Variants in RPH3A observed in about 807,000 individuals in gnomAD.
The protein encoded by RPH3A is rabphilin-3A.
A neutral mutation model predicts 102.2 loss-of-function variants in RPH3A; 48 were observed. That is an observed-to-expected ratio of 0.47 (90% CI 0.37 to 0.60). The LOEUF is 0.60. RPH3A is among the 20% of genes least tolerant of loss of function. The pLI is 0.00. For synonymous variants in RPH3A, 310 were observed against 324.3 expected (o/e 0.96, Z 0.47); for missense variants, 781 against 910.1 (o/e 0.86, Z 1.83).
chr12:112,624,407 A>G (rs1336660014), intron 1 of RPH3A, among the ~76,000 whole-genome samples: 58 of 144,238 alleles, frequency 4.0e-4, no homozygotes, highest in East Asian at 1.1e-3. Context: ...ACAAACTACC[A>G]TCAGAGAATA....
chr12:112,674,857 A>G (rs1274832388), intron 1 of RPH3A, among the ~76,000 whole-genome samples: 2 of 149,772 alleles, frequency 1.3e-5, no homozygotes, highest in African/African-American at 2.5e-5. Context: ...TATTTGGGGG[A>G]AAAAAATCCA....
At chr12:112,765,982 C>T (rs1296779494) in intron 1 of RPH3A, among the ~76,000 whole-genome samples, 2 of 152,248 alleles carry the variant, frequency 1.3e-5, no homozygotes, top group Non-Finnish European at 2.9e-5. Flanking sequence ...TCCCCATACA[C>T]ATGCTCTCAG....
intron 5 of RPH3A, among the ~76,000 whole-genome samples, chr12:112,855,532 C>T (rs996419299): frequency 6.6e-6 from 1 of 152,192 alleles, no homozygotes; most frequent in African/African-American, 2.4e-5. Flanking sequence ...TCCCATTCAC[C>T]AGTCCCTCAA....
chr12:112,853,074 A>G (rs1259677930), intron 5 of RPH3A, among the ~76,000 whole-genome samples: 1 of 152,178 alleles, frequency 6.6e-6, no homozygotes, highest in East Asian at 1.9e-4. Context: ...TCACACCCCT[A>G]TCACCTTCCC....
chr12:112,827,373 C>T (rs370437529), intron 2 of RPH3A, among the ~76,000 whole-genome samples: 6 of 152,292 alleles, frequency 3.9e-5, no homozygotes, highest in African/African-American at 1.4e-4. Context: ...TATGTCATAG[C>T]GTATGTCAAT....
intron 1 of RPH3A, among the ~76,000 whole-genome samples, chr12:112,653,464 A>C (rs1343829867): frequency 6.6e-6 from 1 of 151,258 alleles, no homozygotes; most frequent in Non-Finnish European, 1.5e-5. Flanking sequence ...GCTGTGGGTG[A>C]GGGGTGAGTC....
chr12:112,891,035 C>G (rs1420092453), intron 19 of RPH3A, 32 bp downstream of exon 19: 2 of 1,612,392 alleles, frequency 1.2e-6, no homozygotes, highest in Admixed American at 1.7e-5. Context: ...ACAGGTGGGC[C>G]CTGAAGGAGT....
At chr12:112,873,611 C>T (rs370556684) in intron 10 of RPH3A, among the ~76,000 whole-genome samples, 37 of 152,326 alleles carry the variant, frequency 2.4e-4, no homozygotes, top group African/African-American at 8.4e-4. Context: ...GTGTGATTTA[C>T]ACATTCAACA....
chr12:112,694,549 AAAAG>A lies in RPH3A; in HGVS notation c.-139-97592_-139-97589del, dbSNP rs2040331269. ...AGAAAGGACCAGATGAGGGCGGGGA[AAAAG>A]AGAGAGAGAGAGAGACAGAGAGAGA... On this transcript the variant is annotated intron_variant, in intron 1 of 21. Coordinates refer to the RPH3A transcript ENST00000543106. Among the ~76,000 whole-genome samples the A allele has an allele frequency of 2.0e-5, 3 of 151,832 alleles. No homozygotes were observed. The South Asian group carries it at 6.3e-4, about 32-fold the overall frequency.
rs1340719191 is a variant in RPH3A, at chr12:112,896,678, G to T, written c.1983G>T (p.Lys661Asn). The T allele has an allele frequency of 6.2e-7, 1 of 1,614,010 alleles. No individual in the cohort carries two copies. Among genetic ancestry groups the T allele is most frequent in the Non-Finnish European group, 8.5e-7 (1 of 1,180,022 alleles). ...GCTGCCAGCTGGGGATCTCTGCCAA[G>T]GGAGAGCGCTTAAAACACTGGTACG... ...IGGCQLGISA[K>N]GERLKHWYEC... Residue 661 changes from lysine to asparagine, a missense_variant, in exon 22 of 22, where the codon AAG becomes AAT. By Grantham distance (94) the Lys-to-Asn change is moderately conservative. Around this residue, in one of 2 missense-constraint regions of RPH3A, gnomAD observed 51 missense variants for 100.1 expected, o/e 0.51. Coordinates refer to ENST00000389385, the MANE Select transcript of RPH3A (RefSeq NM_001143854.2).
chr12:112,797,388 G>T (rs1340436796), intron 2 of RPH3A, among the ~76,000 whole-genome samples: 2 of 152,186 alleles, frequency 1.3e-5, no homozygotes, highest in African/African-American at 4.8e-5. Context: ...CAAAAGAGGG[G>T]CAAAGAACAG....
At chr12:112,713,035 TTC>T (rs1565857383) in intron 1 of RPH3A, among the ~76,000 whole-genome samples, 10 of 78,742 alleles carry the variant, frequency 1.3e-4, no homozygotes, top group East Asian at 3.7e-4. Context: ...CTTCTTCTTC[TTC>T]TTCTTCTTCT....
intron 1 of RPH3A, among the ~76,000 whole-genome samples, chr12:112,684,283 G>A (rs1397333459): frequency 6.6e-6 from 1 of 152,056 alleles, no homozygotes; most frequent in Non-Finnish European, 1.5e-5. Context: ...TTTTGAGACA[G>A]GGTCTCACTC....
At chr12:112,770,913 G>A (rs2040923166) in intron 1 of RPH3A, among the ~76,000 whole-genome samples, 1 of 152,130 alleles carries the variant, frequency 6.6e-6, no homozygotes, top group Non-Finnish European at 1.5e-5. Context: ...TTGCTTTCAG[G>A]TATTATTTTG....
intron 1 of RPH3A, among the ~76,000 whole-genome samples, chr12:112,734,050 GA>G (rs1224543077): frequency 6.6e-6 from 1 of 152,106 alleles, no homozygotes; most frequent in Non-Finnish European, 1.5e-5. Flanking sequence ...TTATACAGAT[GA>G]AAAAAACGAG....
At chr12:112,755,254 T>C (rs1468776387) in intron 1 of RPH3A, among the ~76,000 whole-genome samples, 1 of 151,948 alleles carries the variant, frequency 6.6e-6, no homozygotes, top group Non-Finnish European at 1.5e-5. Context: ...TATTCCAGGA[T>C]AACTTTATGC....
rs1448435397 is a variant in RPH3A at position 112,837,746 on chromosome 12, G to T, written c.83+1244G>T. Reference sequence around the variant, plus strand: ...TGACAAATATGAACATCACCAGAGAGAAGTTCATGACTCCAAAAGGTCTCA... The same window carrying T: ...TGACAAATATGAACATCACCAGAGATAAGTTCATGACTCCAAAAGGTCTCA... On this transcript the variant is annotated intron_variant, in intron 4 of 21. Transcript: ENST00000389385. The T allele has an allele frequency of 1.3e-5, 6 of 455,854 alleles. No individual in the cohort carries two copies. In the Admixed American group the frequency reaches 1.4e-4, roughly 11 times the overall value. The allele number at this position is 455,854 out of a possible 1,614,324, so 28.2% of individuals were successfully genotyped here.
chr12:112,784,704 G>A (rs2041032376), intron 1 of RPH3A, among the ~76,000 whole-genome samples: 1 of 152,246 alleles, frequency 6.6e-6, no homozygotes, highest in Admixed American at 6.5e-5. Flanking sequence ...CAGTTATAAT[G>A]TAGGGTGGAC....
At chr12:112,894,491 C>T in intron 19 of RPH3A, 87 bp from the exon 20 acceptor site, 1 of 1,124,966 alleles carries the variant, frequency 8.9e-7, no homozygotes, top group Non-Finnish European at 1.3e-6. Context: ...CATCAATTCA[C>T]CCTGATAAAG....
Sources: allele counts gnomAD v4.1 joint callset (sites outside exome capture counted in the v4.1 genomes callset), GRCh38; gene constraint gnomAD v4.1.1; regional missense constraint gnomAD v4.1.1; transcripts MANE v1.5; gene names NCBI Gene and HGNC (gene_info 2026-07-23, HGNC 2026-07-21).